Variants in SGCG observed in about 807,000 individuals in gnomAD.
The protein encoded by SGCG is gamma-sarcoglycan.
SGCG carries 26 observed loss-of-function variants against 29.3 expected under a neutral mutation model. That is an observed-to-expected ratio of 0.89 (90% CI 0.65 to 1.23). The LOEUF (loss-of-function observed/expected upper bound fraction) is 1.23, where lower values mean the gene tolerates loss of function less well. Ranked by LOEUF, SGCG falls within the 50% of genes most tolerant of loss-of-function variation. The pLI, the probability that SGCG is intolerant of heterozygous loss-of-function variation, is 0.00. For synonymous variants in SGCG, 145 were observed against 129.7 expected, an observed-to-expected ratio of 1.12 and a Z score of -0.80; for missense variants, 353 against 356.0, an observed-to-expected ratio of 0.99 and a Z score of 0.07.
chr13:23,278,687 G>A (rs1352002661), intron 4 of SGCG, among the ~76,000 whole-genome samples: 9 of 152,152 alleles, frequency 5.9e-5, no homozygotes, highest in Admixed American at 3.9e-4. Flanking sequence ...GGGTGAGTGA[G>A]CACCCACAAA....
At chr13:23,255,013 A>G (rs1472052336) in intron 4 of SGCG, among the ~76,000 whole-genome samples, 1 of 152,236 alleles carries the variant, frequency 6.6e-6, no homozygotes, top group African/African-American at 2.4e-5. Flanking sequence ...CAGGCCCCAC[A>G]AAGATACTGT....
chr13:23,164,437 A>G, the SGCG span, among the ~76,000 whole-genome samples: 4 of 152,182 alleles, frequency 2.6e-5, no homozygotes, highest in Non-Finnish European at 4.4e-5. Flanking sequence ...TTAACACGGA[A>G]GGAAACTGGG....
chr13:23,236,928 C>T (rs912757424), intron 3 of SGCG, among the ~76,000 whole-genome samples: 10 of 152,048 alleles, frequency 6.6e-5, no homozygotes, highest in African/African-American at 2.4e-4. Context: ...TAAGAGCCAT[C>T]CCAGAACAAA....
chr13:23,200,287 G>C (rs1365721499), intron 1 of SGCG, among the ~76,000 whole-genome samples: 4 of 152,084 alleles, frequency 2.6e-5, no homozygotes. Context: ...GCTGGGCGTG[G>C]TGGCATGTGC....
At chr13:23,210,487 C>G (rs1176340624) in intron 2 of SGCG, among the ~76,000 whole-genome samples, 3 of 152,068 alleles carry the variant, frequency 2.0e-5, no homozygotes, top group Admixed American at 2.0e-4. Flanking sequence ...GTCAGGAGAT[C>G]AAGACCATCC....
intron 2 of SGCG, among the ~76,000 whole-genome samples, chr13:23,216,674 A>G (rs1196608393): frequency 6.6e-6 from 1 of 152,118 alleles, no homozygotes; most frequent in Non-Finnish European, 1.5e-5. Context: ...AAATTTGCTG[A>G]GAGGTATATA....
intron 1 of SGCG, among the ~76,000 whole-genome samples, chr13:23,195,038 G>A (rs1877432641): frequency 6.6e-6 from 1 of 152,160 alleles, no homozygotes; most frequent in South Asian, 2.1e-4. Flanking sequence ...AATTAGCTAT[G>A]TGAGCACTAA....
Position 23,203,678 on chromosome 13 carries a change from A to G in SGCG, c.1-17A>G. On this transcript the variant is annotated splice_polypyrimidine_tract_variant and intron_variant, in intron 1 of 7. Coordinates refer to ENST00000218867, the MANE Select transcript of SGCG (RefSeq NM_000231.3). ...CTGTCTCTTTCTCTCTCCTCTCGTG[A>G]ACACACTCCGTGGCAGATGGTGCGT... 6.2e-7 allele frequency: 1 copy of G among 1,601,380 alleles called. No individual in the cohort carries two copies. Among genetic ancestry groups the G allele is most frequent in the Non-Finnish European group, 8.5e-7 (1 of 1,171,368 alleles).
At chr13:23,258,295 T>A (rs1880278434) in intron 4 of SGCG, among the ~76,000 whole-genome samples, 1 of 152,210 alleles carries the variant, frequency 6.6e-6, no homozygotes, top group African/African-American at 2.4e-5. Context: ...AGGTATTTTA[T>A]TCTCTTTGTA....
chr13:23,322,109 C>T (rs1397714035), intron 7 of SGCG, among the ~76,000 whole-genome samples: 1 of 152,154 alleles, frequency 6.6e-6, no homozygotes, highest in African/African-American at 2.4e-5. Flanking sequence ...TATGAATGTG[C>T]TCAAAATAAG....
chr13:23,209,169 A>C (rs1040055865), intron 2 of SGCG, among the ~76,000 whole-genome samples: 1 of 152,134 alleles, frequency 6.6e-6, no homozygotes, highest in Non-Finnish European at 1.5e-5. Context: ...TTAAGCTTAT[A>C]ATTCTATAAA....
At chr13:23,160,688 C>T in the SGCG span, among the ~76,000 whole-genome samples, 2 of 152,100 alleles carry the variant, frequency 1.3e-5, no homozygotes, top group African/African-American at 4.8e-5. Flanking sequence ...CCTTCAGTTC[C>T]CCCAATTCCT....
At chr13:23,279,872 C>T (rs940839239) in intron 5 of SGCG, among the ~76,000 whole-genome samples, 3 of 152,000 alleles carry the variant, frequency 2.0e-5, no homozygotes, top group South Asian at 2.1e-4. Context: ...AGACTACAGG[C>T]ACCCGCCACC....
At chr13:23,314,408 A>ATATATATAT (rs1593108241) in intron 6 of SGCG, among the ~76,000 whole-genome samples, 1 of 133,974 alleles carries the variant, frequency 7.5e-6, no homozygotes, top group Non-Finnish European at 1.6e-5. Context: ...ATATATATAT[A>ATATATATAT]ATCTTATTCT....
chr13:23,305,975 G>C (rs4614570), intron 6 of SGCG, among the ~76,000 whole-genome samples: 4 of 152,072 alleles, frequency 2.6e-5, no homozygotes, highest in African/African-American at 9.7e-5. Flanking sequence ...GGGTTCAAGC[G>C]ATTCTCCCAC....
rs555416248 is a variant in SGCG at position 23,190,660 on chromosome 13, T to C, written c.-1+9585T>C. 1.1e-3 allele frequency among the ~76,000 whole-genome samples: 161 copies of C among 152,330 alleles called. 1 individual carries two copies. The highest frequency in any genetic ancestry group is 3.7e-3 in the African/African-American group (152 of 41,566). On this transcript the variant is annotated intron_variant, in intron 1 of 7. Transcript: ENST00000218867. ...AGTAAGTGAGGCATGATAACCTTTA[T>C]GAAACTTATAATTCTCATGACATTA...
chr13:23,315,296 T>C (rs34549511), intron 6 of SGCG, among the ~76,000 whole-genome samples: 28,961 of 152,228 alleles, frequency 0.19, 3,346 homozygotes, highest in Non-Finnish European at 0.25. Context: ...TGGGTGCCTT[T>C]TGACCCATCT....
At chr13:23,314,121 A>G (rs542921675) in intron 6 of SGCG, among the ~76,000 whole-genome samples, 82 of 150,486 alleles carry the variant, frequency 5.4e-4, no homozygotes, top group Non-Finnish European at 1.1e-3. Context: ...ATATATATCT[A>G]TATCTATATA....
At chr13:23,226,264 AAAAG>A (rs1172090303) in intron 2 of SGCG, among the ~76,000 whole-genome samples, 1 of 152,248 alleles carries the variant, frequency 6.6e-6, no homozygotes, top group Non-Finnish European at 1.5e-5. Flanking sequence ...GTTTGCAAAT[AAAAG>A]AAAAAGCATA....
Sources: allele counts gnomAD v4.1 joint callset (sites outside exome capture counted in the v4.1 genomes callset), GRCh38; gene constraint gnomAD v4.1.1; transcripts MANE v1.5; gene names NCBI Gene and HGNC (gene_info 2026-07-23, HGNC 2026-07-21).